Variants in FERMT2 observed in about 807,000 individuals in gnomAD.
The protein encoded by FERMT2 is fermitin family homolog 2.
Under a neutral mutation model 82.7 loss-of-function variants are expected in FERMT2, and 15 were observed. That is an observed-to-expected ratio of 0.18 (90% CI 0.12 to 0.28). The LOEUF (loss-of-function observed/expected upper bound fraction) is 0.28, where lower values mean the gene tolerates loss of function less well. Ranked by LOEUF, FERMT2 falls within the 10% of genes least tolerant of loss-of-function variation. FERMT2 has a pLI of 1.00. For synonymous variants in FERMT2, 274 were observed against 271.5 expected (o/e 1.01, Z -0.09); for missense variants, 645 against 809.4 (o/e 0.80, Z 2.46).
intron 12 of FERMT2, 120 bp from the exon 13 acceptor site, chr14:52,860,585 G>T: frequency 1.2e-6 from 1 of 805,248 alleles, no homozygotes; most frequent in Admixed American, 3.2e-5. Context: ...TGTAAGAGTT[G>T]AAATCAAAAT....
At chr14:52,927,932 A>G (rs769038944) in intron 2 of FERMT2, 3 of 292,366 alleles carry the variant, frequency 1.0e-5, no homozygotes, top group Admixed American at 7.4e-5. Flanking sequence ...TACCTCTTGG[A>G]CTTTATTTAA....
intron 2 of FERMT2, among the ~76,000 whole-genome samples, chr14:52,935,208 C>T (rs1889780260): frequency 6.6e-6 from 1 of 152,146 alleles, no homozygotes; most frequent in Non-Finnish European, 1.5e-5. Flanking sequence ...AGTTTTTAAT[C>T]TGCTAGCAGA....
chr14:52,935,949 A>G (rs1027747726), intron 2 of FERMT2, among the ~76,000 whole-genome samples: 2 of 152,248 alleles, frequency 1.3e-5, no homozygotes, highest in Non-Finnish European at 2.9e-5. Flanking sequence ...GCAAGCAGTT[A>G]CAGAATGCAT....
chr14:52,870,398 T>C (rs935340553), intron 10 of FERMT2, among the ~76,000 whole-genome samples: 1 of 152,020 alleles, frequency 6.6e-6, no homozygotes, highest in Admixed American at 6.6e-5. Flanking sequence ...TACAGGCATA[T>C]GCCACCATGC....
intron 10 of FERMT2, among the ~76,000 whole-genome samples, chr14:52,866,930 G>A (rs1483919437): frequency 6.6e-6 from 1 of 152,010 alleles, no homozygotes; most frequent in East Asian, 1.9e-4. Context: ...CTCCACCACT[G>A]AGATCCTCCC....
chr14:52,948,617 A>G (rs1264982630), intron 2 of FERMT2: 1 of 454,052 alleles, frequency 2.2e-6, no homozygotes, highest in South Asian at 1.6e-5. Flanking sequence ...GCATTAAAAG[A>G]TTAAGATTAT....
chr14:52,950,283 T>C (rs1033661070), intron 2 of FERMT2, 129 bp downstream of exon 2: 4 of 878,554 alleles, frequency 4.6e-6, no homozygotes, highest in Admixed American at 2.2e-5. Flanking sequence ...TGAAAGATTT[T>C]ACATCTCCAA....
intron 3 of FERMT2, among the ~76,000 whole-genome samples, chr14:52,896,326 T>G (rs1250619531): frequency 2.0e-5 from 3 of 152,158 alleles, no homozygotes; most frequent in Non-Finnish European, 4.4e-5. Flanking sequence ...AATTACTGGA[T>G]CAAAATTTTA....
intron 2 of FERMT2, among the ~76,000 whole-genome samples, chr14:52,943,277 A>T (rs1890180246): frequency 6.6e-6 from 1 of 152,176 alleles, no homozygotes; most frequent in African/African-American, 2.4e-5. Flanking sequence ...AAAAAGGTTA[A>T]ACAATGTCTT....
intron 7 of FERMT2, among the ~76,000 whole-genome samples, chr14:52,878,143 C>G (rs762456597): frequency 2.0e-5 from 3 of 152,154 alleles, no homozygotes; most frequent in Non-Finnish European, 4.4e-5. Flanking sequence ...ATCTTATCAC[C>G]TAAAAGCATC....
intron 4 of FERMT2, among the ~76,000 whole-genome samples, chr14:52,889,370 C>T (rs1265980176): frequency 1.3e-5 from 2 of 152,124 alleles, no homozygotes; most frequent in African/African-American, 4.8e-5. Flanking sequence ...AAGGAAAGAA[C>T]TGAGGAATAG....
At chr14:52,859,862 G>C (rs1884799842) in intron 13 of FERMT2, 148 bp from the exon 14 acceptor site, 1 of 438,954 alleles carries the variant, frequency 2.3e-6, no homozygotes, top group African/African-American at 2.1e-5. Context: ...CTGTTGCCCA[G>C]GCTGGAGTGC....
At chr14:52,871,499 T>C (rs1336854070) in intron 10 of FERMT2, 1 of 152,196 alleles carries the variant, frequency 6.6e-6, no homozygotes, top group East Asian at 1.9e-4. Context: ...TCATTAACGC[T>C]CTGCAAAGAA....
At chr14:52,931,655 T>C (rs1271148480) in intron 2 of FERMT2, among the ~76,000 whole-genome samples, 1 of 152,218 alleles carries the variant, frequency 6.6e-6, no homozygotes, top group Non-Finnish European at 1.5e-5. Context: ...ATTAAATAGA[T>C]GATAATAGCA....
At chr14:52,878,836 G>C (rs1290598957) in intron 6 of FERMT2, 147 bp from the exon 7 acceptor site, 2 of 525,744 alleles carry the variant, frequency 3.8e-6, no homozygotes, top group African/African-American at 3.9e-5. Flanking sequence ...TTACAATCAA[G>C]TATTATTAGA....
At chr14:52,899,060 G>A (rs1318186810) in intron 3 of FERMT2, among the ~76,000 whole-genome samples, 1 of 152,042 alleles carries the variant, frequency 6.6e-6, no homozygotes, top group African/African-American at 2.4e-5. Flanking sequence ...ATATTAATAT[G>A]CATATTTACA....
chr14:52,944,305 T>G (rs948235998), intron 2 of FERMT2, among the ~76,000 whole-genome samples: 2 of 152,236 alleles, frequency 1.3e-5, no homozygotes, highest in Non-Finnish European at 2.9e-5. Context: ...TTTCTTATAA[T>G]GTTAATGTAT....
chr14:52,889,366 A>G, intron 4 of FERMT2, among the ~76,000 whole-genome samples: 1 of 152,238 alleles, frequency 6.6e-6, no homozygotes, highest in East Asian at 1.9e-4. Flanking sequence ...CTGAAAGGAA[A>G]GAACTGAGGA....
rs1234838915 is a variant in FERMT2, at chr14:52,875,211, G to C, written c.1098+12C>G. 1 of 1,593,176 alleles carries C rather than the reference G, an allele frequency of 6.3e-7. No individual in the cohort carries two copies. The highest frequency in any genetic ancestry group is 2.2e-5 in the East Asian group (1 of 44,500). ...AGCTAAATTAGTAGGTAAAAAAAAA[G>C]ATTCACCCTACCAAAATTGTTGACG... On this transcript the variant is annotated intron_variant, in intron 8 of 14. Coordinates refer to ENST00000341590, the MANE Select transcript of FERMT2 (RefSeq NM_006832.3).
Sources: allele counts gnomAD v4.1 joint callset (sites outside exome capture counted in the v4.1 genomes callset), GRCh38; gene constraint gnomAD v4.1.1; transcripts MANE v1.5; gene names NCBI Gene and HGNC (gene_info 2026-07-23, HGNC 2026-07-21).